ZNF280C: variants seen among roughly 807,000 people sequenced by gnomAD.
ZNF280C encodes the protein suppressor of hairy wing homolog 3.
ZNF280C carries 14 observed loss-of-function variants against 53.6 expected under a neutral mutation model. The ratio of observed to expected loss-of-function variants is 0.26; its 90% confidence interval spans 0.17 to 0.41. The LOEUF (loss-of-function observed/expected upper bound fraction) is 0.41, where lower values mean the gene tolerates loss of function less well. ZNF280C is among the 10% of genes least tolerant of loss of function. ZNF280C has a pLI of 1.00. For missense variants in ZNF280C, 416 were observed against 547.1 expected (o/e 0.76, Z 2.39); for synonymous variants, 203 against 181.1 (o/e 1.12, Z -0.97).
chrX:130,253,500 C>A (rs1165073200), intron 2 of ZNF280C, among the ~76,000 whole-genome samples: 4 of 112,031 alleles, frequency 3.6e-5, no homozygotes, highest in Non-Finnish European at 7.5e-5. Flanking sequence ...ATCATGCTAC[C>A]TGCCTTCAAA....
chrX:130,253,872 C>T (rs754779199), intron 2 of ZNF280C, among the ~76,000 whole-genome samples: 33 of 111,973 alleles, frequency 2.9e-4, no homozygotes, highest in Admixed American at 8.6e-4. Context: ...ATGACAAAGA[C>T]GTCAAAGGCA....
intron 2 of ZNF280C, among the ~76,000 whole-genome samples, chrX:130,250,029 G>A (rs920642632): frequency 8.9e-5 from 10 of 112,005 alleles, no homozygotes; most frequent in African/African-American, 2.9e-4. Flanking sequence ...AGTATTAATA[G>A]CGGAATAGAA....
chrX:130,235,487 C>T lies in ZNF280C; in HGVS notation c.771+727G>A, dbSNP rs554986307. Among the ~76,000 whole-genome samples the T allele has an allele frequency of 1.7e-4, 19 of 111,797 alleles. No homozygotes were observed. In the South Asian group the frequency reaches 6.4e-3, roughly 38 times the overall value. On this transcript the variant is annotated intron_variant, in intron 8 of 18. Coordinates refer to ENST00000370978, the MANE Select transcript of ZNF280C (RefSeq NM_017666.5). ...CAAGATTGTGCCACTGTACTCCGGCCTGGGTGACAGAGCAAGACTCTGTCT... is the reference window on the plus strand; with the variant it reads ...CAAGATTGTGCCACTGTACTCCGGCTTGGGTGACAGAGCAAGACTCTGTCT...
In ZNF280C at chrX:130,230,613, C is replaced by T; in HGVS notation, c.886G>A (p.Glu296Lys). ...ETGKLIMLVN[E>K]FYYGRHEGVT... ...CCTTCATGCCTTCCATAATAAAACT[C>T]ATTGACTAACATGATCAACTTTCCT... The change falls in exon 9 of 19, where the codon GAG becomes AAG. Residue 296 changes from glutamate to lysine, a missense_variant. Physicochemically the swap from Glu to Lys is moderately conservative, Grantham distance 56 (BLOSUM62 1). This residue lies in a region of ZNF280C where 72 missense variants were observed against 168.8 expected (regional missense o/e 0.43). Transcript: ENST00000370978. The T allele has an allele frequency of 8.3e-7, 1 of 1,207,588 alleles. No homozygotes were observed. Among genetic ancestry groups the T allele is most frequent in the Non-Finnish European group, 1.1e-6 (1 of 891,995 alleles).
chrX:130,229,443 G>A (rs1399776015), intron 9 of ZNF280C, among the ~76,000 whole-genome samples: 13 of 111,218 alleles, frequency 1.2e-4, no homozygotes, highest in Admixed American at 1.1e-3. Context: ...AAAAATAGCA[G>A]GCTTCTTTTC....
intron 2 of ZNF280C, among the ~76,000 whole-genome samples, chrX:130,256,049 C>T (rs2032567902): frequency 9.0e-6 from 1 of 111,317 alleles, no homozygotes; most frequent in African/African-American, 3.3e-5. Flanking sequence ...GGAGAATCAC[C>T]TGAGCTCCAG....
At chrX:130,250,201 T>G (rs2032492746) in intron 2 of ZNF280C, among the ~76,000 whole-genome samples, 2 of 111,654 alleles carry the variant, frequency 1.8e-5, no homozygotes, top group South Asian at 7.5e-4. Context: ...GATCTCAATT[T>G]AACATCCTAC....
At chrX:130,267,887 A>T (rs1409679513) in intron 1 of ZNF280C, among the ~76,000 whole-genome samples, 3 of 112,062 alleles carry the variant, frequency 2.7e-5, no homozygotes, top group Non-Finnish European at 5.6e-5. Flanking sequence ...CAGATTTAAA[A>T]AACTCCACAA....
At chrX:130,228,011 G>C (rs2032237638) in intron 10 of ZNF280C, among the ~76,000 whole-genome samples, 1 of 111,549 alleles carries the variant, frequency 9.0e-6, no homozygotes, top group Non-Finnish European at 1.9e-5. Context: ...TTTCAGATGA[G>C]GAACCAGAAG....
At chrX:130,231,531 C>G (rs1037795387) in intron 8 of ZNF280C, among the ~76,000 whole-genome samples, 1 of 111,420 alleles carries the variant, frequency 9.0e-6, no homozygotes, top group African/African-American at 3.3e-5. Context: ...ATTGGGTATA[C>G]ACAGACATAA....
At chrX:130,245,138 T>C (rs1026478011) in intron 3 of ZNF280C, among the ~76,000 whole-genome samples, 1 of 111,571 alleles carries the variant, frequency 9.0e-6, no homozygotes, top group Non-Finnish European at 1.9e-5. Context: ...AAATAAAACA[T>C]CAATAAAATC....
intron 15 of ZNF280C, 139 bp from the exon 16 acceptor site, chrX:130,209,854 G>T: frequency 1.9e-6 from 1 of 536,531 alleles, no homozygotes; most frequent in South Asian, 3.3e-5. Flanking sequence ...AAATTCTGTT[G>T]GTTAAAGCTA....
chrX:130,241,129 A>G (rs149146867), intron 5 of ZNF280C, among the ~76,000 whole-genome samples: 155 of 112,000 alleles, frequency 1.4e-3, no homozygotes, highest in African/African-American at 4.2e-3. Flanking sequence ...TCCTTAAGCT[A>G]TATCTTTAAA....
At chrX:130,239,138 T>C (rs761535523) in intron 6 of ZNF280C, among the ~76,000 whole-genome samples, 9 of 111,902 alleles carry the variant, frequency 8.0e-5, no homozygotes, top group South Asian at 3.6e-4. Flanking sequence ...TATAATCATA[T>C]TTAACTATCA....
chrX:130,211,358 C>G (rs1177242510), intron 15 of ZNF280C, among the ~76,000 whole-genome samples: 1 of 111,995 alleles, frequency 8.9e-6, no homozygotes, highest in Non-Finnish European at 1.9e-5. Flanking sequence ...ATAAGAAAAA[C>G]TACTTTAGAT....
intron 12 of ZNF280C, among the ~76,000 whole-genome samples, chrX:130,220,956 A>G (rs1312053929): frequency 1.8e-5 from 2 of 110,898 alleles, no homozygotes; most frequent in Admixed American, 1.9e-4. Context: ...TTTATTATAA[A>G]TTTAGAACAA....
intron 8 of ZNF280C, among the ~76,000 whole-genome samples, chrX:130,233,500 C>T (rs1282720255): frequency 4.6e-5 from 5 of 108,400 alleles, no homozygotes; most frequent in African/African-American, 1.7e-4. Flanking sequence ...CCTGTAATCC[C>T]GGTTACTCAG....
rs2032331504 is a variant in ZNF280C, at chrX:130,236,258, T to G, written c.727A>C (p.Asn243His). 1 of 1,208,633 alleles carries G rather than the reference T, an allele frequency of 8.3e-7. No homozygotes were observed. Among genetic ancestry groups the G allele is most frequent in the Non-Finnish European group, 1.1e-6 (1 of 893,909 alleles). ...ADYLRACPKC[N>H]VQFNLLDPLK... ...GGATCCAAAAGATTGAACTGAACAT[T>G]GCACTTTGGACAAGCTCTTAGGTAA... Residue 243 changes from asparagine to histidine, a missense_variant, in exon 8 of 19, where the codon AAT (asparagine) becomes CAT (histidine). Asn to His is a moderately conservative substitution (Grantham distance 68). Coordinates refer to ENST00000370978, the MANE Select transcript of ZNF280C (RefSeq NM_017666.5).
intron 3 of ZNF280C, among the ~76,000 whole-genome samples, chrX:130,246,071 G>T (rs2032446736): frequency 8.9e-6 from 1 of 112,195 alleles, no homozygotes; most frequent in Non-Finnish European, 1.9e-5. Context: ...ACAGGGAGGA[G>T]ATATTTTATT....
Sources: allele counts gnomAD v4.1 joint callset (sites outside exome capture counted in the v4.1 genomes callset), GRCh38; gene constraint gnomAD v4.1.1; regional missense constraint gnomAD v4.1.1; transcripts MANE v1.5; gene names NCBI Gene and HGNC (gene_info 2026-07-23, HGNC 2026-07-21).